The following JAZF1 variants were observed in gnomAD, a reference collection of about 807,000 sequenced individuals.
The protein encoded by JAZF1 is JAZF zinc finger 1, also known as juxtaposed with another zinc finger protein 1.
JAZF1 carries 8 observed loss-of-function variants against 26.4 expected under a neutral mutation model. The ratio of observed to expected loss-of-function variants is 0.30; its 90% CI spans 0.18 to 0.55. JAZF1 has a LOEUF of 0.55. Among genes scored for constraint, JAZF1 ranks in the 20% least tolerant of loss-of-function variants. The pLI, the probability that JAZF1 is intolerant of heterozygous loss-of-function variation, is 0.94. For missense variants in JAZF1, 199 were observed against 322.0 expected (o/e 0.62, Z 2.92); for synonymous variants, 126 against 122.3 (o/e 1.03, Z -0.20).
chr7:27,897,154 G>A (rs1483669933), intron 2 of JAZF1, among the ~76,000 whole-genome samples: 3 of 152,134 alleles, frequency 2.0e-5, no homozygotes, highest in South Asian at 2.1e-4. Flanking sequence ...GGTATGCAGT[G>A]CGCCAGGGAG....
chr7:28,095,982 C>T (rs1784377216), intron 1 of JAZF1, among the ~76,000 whole-genome samples: 1 of 152,214 alleles, frequency 6.6e-6, no homozygotes, highest in African/African-American at 2.4e-5. Flanking sequence ...TGGGCCCCAA[C>T]CGTATGACTC....
At position 27,849,756 on chromosome 7, in the gene JAZF1, C is replaced by CAGACACACACACACAG. The variant is rs200915594; in HGVS notation, c.386-8890_386-8889insCTGTGTGTGTGTGTCT. 5.2e-3 allele frequency among the ~76,000 whole-genome samples: 761 copies of CAGACACACACACACAG among 147,498 alleles called. 6 individuals carry two copies. Among genetic ancestry groups the CAGACACACACACACAG allele is most frequent in the African/African-American group, 0.016 (602 of 38,820 alleles). On this transcript the variant is annotated intron_variant, in intron 3 of 4. Coordinates refer to ENST00000283928, the MANE Select transcript of JAZF1 (RefSeq NM_175061.4). ...ATATTGGAACCCTTACACACAGACACACACACACACACACACACCCCTACA... is the reference window on the plus strand; with the variant it reads ...ATATTGGAACCCTTACACACAGACACAGACACACACACACAGACACACACACACACACACCCCTACA...
intron 2 of JAZF1, among the ~76,000 whole-genome samples, chr7:27,914,425 GGGCCGGGGGCTGTACTTT>G (rs1311154132): frequency 6.6e-6 from 1 of 152,202 alleles, no homozygotes; most frequent in Admixed American, 6.5e-5. Flanking sequence ...GTGTATGGTT[GGGCCGGGGGCTGTACTTT>G]GGTCCTGGAT....
At chr7:27,924,963 C>A (rs1354359916) in intron 2 of JAZF1, among the ~76,000 whole-genome samples, 1 of 152,232 alleles carries the variant, frequency 6.6e-6, no homozygotes, top group Non-Finnish European at 1.5e-5. Context: ...TAGCTAAAGA[C>A]AAATGCCAGA....
At chr7:28,013,381 T>C (rs550085715) in intron 1 of JAZF1, among the ~76,000 whole-genome samples, 11 of 151,972 alleles carry the variant, frequency 7.2e-5, no homozygotes, top group Non-Finnish European at 1.5e-4. Flanking sequence ...GAGGAAAAAA[T>C]AGGAGGGCCA....
intron 3 of JAZF1, among the ~76,000 whole-genome samples, chr7:27,876,977 GA>G (rs1230748658): frequency 6.6e-6 from 1 of 152,204 alleles, no homozygotes; most frequent in African/African-American, 2.4e-5. Flanking sequence ...GTATGGTCTA[GA>G]CAAGAGGGTT....
rs1583465251 is a variant in JAZF1, at chr7:27,923,565, A to G, written c.189-28149T>C. Among the ~76,000 whole-genome samples, 3 of 152,164 alleles carry G rather than the reference A, an allele frequency of 2.0e-5. No individual in the cohort carries two copies. The South Asian group carries it at 6.2e-4, about 32-fold the overall frequency. ...GACTGGATGGAACTGCACACTTCCC[A>G]GCAGATGTTGGGCTGCCAACGGATG... is the stretch of plus-strand genomic sequence containing the variant. On this transcript the variant is annotated intron_variant, in intron 2 of 4. Coordinates refer to ENST00000283928, the MANE Select transcript of JAZF1 (RefSeq NM_175061.4).
intron 1 of JAZF1, among the ~76,000 whole-genome samples, chr7:28,043,728 C>T (rs1446153198): frequency 6.6e-6 from 1 of 151,972 alleles, no homozygotes; most frequent in African/African-American, 2.4e-5. Flanking sequence ...ATGGAAACAA[C>T]CCAAGTGTCC....
intron 2 of JAZF1, among the ~76,000 whole-genome samples, chr7:27,898,242 A>G (rs1784103249): frequency 6.6e-6 from 1 of 150,722 alleles, no homozygotes; most frequent in Non-Finnish European, 1.5e-5. Flanking sequence ...ACAGAGGGAG[A>G]GACAGCCAGA....
intron 1 of JAZF1, among the ~76,000 whole-genome samples, chr7:28,121,978 G>T (rs955999487): frequency 6.6e-6 from 1 of 152,180 alleles, no homozygotes; most frequent in African/African-American, 2.4e-5. Context: ...CACATAAAAA[G>T]AAAAGTTTTC....
intron 2 of JAZF1, among the ~76,000 whole-genome samples, chr7:27,976,812 G>A (rs1785482202): frequency 6.6e-6 from 1 of 152,134 alleles, no homozygotes; most frequent in South Asian, 2.1e-4. Flanking sequence ...CATTTTTTAT[G>A]AGGCTATGGC....
chr7:27,869,013 C>A (rs191666063), intron 3 of JAZF1, among the ~76,000 whole-genome samples: 1 of 152,284 alleles, frequency 6.6e-6, no homozygotes, highest in East Asian at 1.9e-4. Flanking sequence ...CAGGGCCTCT[C>A]TGGATACATG....
chr7:27,863,409 G>C (rs1783415695), intron 3 of JAZF1, among the ~76,000 whole-genome samples: 1 of 152,034 alleles, frequency 6.6e-6, no homozygotes. Flanking sequence ...TTTCTCATGG[G>C]TGGCTGCTCA....
At chr7:28,127,212 C>T (rs1782710949) in intron 1 of JAZF1, among the ~76,000 whole-genome samples, 1 of 152,220 alleles carries the variant, frequency 6.6e-6, no homozygotes, top group South Asian at 2.1e-4. Flanking sequence ...TCCTGCAGAG[C>T]ATCTCACTCT....
intron 2 of JAZF1, among the ~76,000 whole-genome samples, chr7:27,925,035 C>T (rs1046879940): frequency 7.9e-5 from 12 of 152,210 alleles, no homozygotes; most frequent in Admixed American, 1.3e-4. Context: ...GATATATGTA[C>T]TTACTCTACT....
intron 2 of JAZF1, chr7:27,914,872 C>T (rs1784419177): frequency 4.2e-6 from 2 of 470,676 alleles, no homozygotes; most frequent in Non-Finnish European, 8.8e-6. Context: ...CTAGAACCTC[C>T]CTCTAGTGTG....
chr7:28,105,467 G>A lies in JAZF1; in HGVS notation c.115+74996C>T, dbSNP rs147926426. ...GATAAAACTGCACCTTGGGACACTT[G>A]AGCCCAGCAGCAATGCCTGCCCTAT... On this transcript the variant is annotated intron_variant, in intron 1 of 4. Coordinates refer to ENST00000283928, the MANE Select transcript of JAZF1 (RefSeq NM_175061.4). Among the ~76,000 whole-genome samples the A allele has an allele frequency of 2.3e-3, 351 of 152,298 alleles. 1 individual carries two copies. Among genetic ancestry groups the A allele is most frequent in the African/African-American group, 8.0e-3 (333 of 41,578 alleles).
At chr7:28,141,331 G>A (rs532423911) in intron 1 of JAZF1, among the ~76,000 whole-genome samples, 1 of 152,308 alleles carries the variant, frequency 6.6e-6, no homozygotes, top group East Asian at 1.9e-4. Context: ...AAGCTATAGA[G>A]GTGGATTCTG....
chr7:28,109,244 G>A (rs1784601348), intron 1 of JAZF1, among the ~76,000 whole-genome samples: 1 of 152,206 alleles, frequency 6.6e-6, no homozygotes, highest in African/African-American at 2.4e-5. Context: ...ACTATGTGAG[G>A]TGATGGGTCA....
Sources: gnomAD v4.1 joint callset for allele counts (sites outside exome capture counted in the v4.1 genomes callset) on GRCh38, gnomAD v4.1.1 for gene constraint, MANE v1.5 for transcripts, NCBI Gene and HGNC (gene_info 2026-07-23, HGNC 2026-07-21) for gene names.